TMEM45B: variants seen among roughly 807,000 people sequenced by gnomAD.
The protein encoded by TMEM45B is transmembrane protein 45B.
In TMEM45B, 29 loss-of-function variants were observed where a neutral mutation model predicts 27.3. The ratio of observed to expected loss-of-function variants is 1.06; its 90% CI spans 0.79 to 1.45. TMEM45B has a LOEUF of 1.45. TMEM45B is among the 40% of genes most tolerant of loss of function. The pLI, the probability that TMEM45B is intolerant of heterozygous loss-of-function variation, is 0.00. For missense variants in TMEM45B, 348 were observed against 343.9 expected (o/e 1.01, Z -0.09); for synonymous variants, 143 against 134.7 (o/e 1.06, Z -0.43).
At chr11:129,847,167 C>T (rs1306009069) in intron 1 of TMEM45B, among the ~76,000 whole-genome samples, 1 of 152,132 alleles carries the variant, frequency 6.6e-6, no homozygotes, top group Non-Finnish European at 1.5e-5. Flanking sequence ...AACAAATGAC[C>T]ACATGCACAA....
At chr11:129,845,323 TAG>T (rs1947745519) in intron 1 of TMEM45B, among the ~76,000 whole-genome samples, 1 of 129,000 alleles carries the variant, frequency 7.8e-6, no homozygotes, top group South Asian at 2.4e-4. Flanking sequence ...GGGTAGGAAA[TAG>T]AGCTATTATA....
At chr11:129,832,541 G>C (rs182463870) in intron 1 of TMEM45B, among the ~76,000 whole-genome samples, 3 of 152,034 alleles carry the variant, frequency 2.0e-5, no homozygotes, top group African/African-American at 7.2e-5. Context: ...CCAGGGGTTG[G>C]GGGGCTGGCG....
At chr11:129,850,049 T>C (rs1947823610) in intron 1 of TMEM45B, among the ~76,000 whole-genome samples, 1 of 152,170 alleles carries the variant, frequency 6.6e-6, no homozygotes, top group Non-Finnish European at 1.5e-5. Context: ...CACACACGTT[T>C]TTCTCTTTTT....
rs566845531 is a variant in TMEM45B, at chr11:129,858,302, T to TC, written c.717-271dup. 9.9e-5 allele frequency among the ~76,000 whole-genome samples: 15 copies of TC among 152,264 alleles called. No homozygotes were observed. The South Asian group carries it at 2.9e-3, about 29-fold the overall frequency. On this transcript the variant is annotated intron_variant, in intron 5 of 5. Transcript: ENST00000281441. ...CGGACCAAAGAGAAGGGAGCTCAAG[T>TC]CAGTTTCTTTTAGTTCTCCTGCCCA...
intron 1 of TMEM45B, among the ~76,000 whole-genome samples, chr11:129,849,267 A>G (rs190114112): frequency 6.6e-6 from 1 of 152,344 alleles, no homozygotes; most frequent in African/African-American, 2.4e-5. Flanking sequence ...ATTCAAATAC[A>G]ATGGCGTGAC....
intron 1 of TMEM45B, among the ~76,000 whole-genome samples, chr11:129,832,065 C>CAAAAAAAAA (rs57336005): frequency 1.7e-5 from 1 of 58,606 alleles, no homozygotes; most frequent in East Asian, 5.6e-4. Flanking sequence ...GATTCCATCT[C>CAAAAAAAAA]AAAAAAAAAA....
intron 1 of TMEM45B, among the ~76,000 whole-genome samples, chr11:129,847,404 G>GTTATTTTTTTTTTATTTTTTT (rs60997631): frequency 1.4e-4 from 20 of 147,866 alleles, no homozygotes; most frequent in Non-Finnish European, 3.0e-4. Flanking sequence ...AGCTTATGAA[G>GTTATTTTTTTTTTATTTTTTT]TTATTTTTTT....
At chr11:129,848,499 C>A (rs572746516) in intron 1 of TMEM45B, among the ~76,000 whole-genome samples, 1 of 148,712 alleles carries the variant, frequency 6.7e-6, no homozygotes, top group Non-Finnish European at 1.5e-5. Flanking sequence ...AAAGGGAGAC[C>A]GTGGAAAGAG....
At chr11:129,845,273 G>A (rs767574215) in intron 1 of TMEM45B, among the ~76,000 whole-genome samples, 14 of 15,892 alleles carry the variant, frequency 8.8e-4, no homozygotes, top group Non-Finnish European at 2.7e-3. Flanking sequence ...GTGTGTGTAT[G>A]TGTGTGTGTG....
intron 1 of TMEM45B, chr11:129,826,916 C>T (rs1405821082): frequency 2.6e-5 from 4 of 152,094 alleles, no homozygotes; most frequent in African/African-American, 4.8e-5. Context: ...ACCGTGGTCT[C>T]GATTTCCTGA....
chr11:129,831,520 A>G (rs1947546355), intron 1 of TMEM45B, among the ~76,000 whole-genome samples: 1 of 152,168 alleles, frequency 6.6e-6, no homozygotes, highest in African/African-American at 2.4e-5. Flanking sequence ...AAATTTCTAA[A>G]TTATTTGTTT....
rs116296458 is a variant in TMEM45B at position 129,851,838 on chromosome 11, A to G, written c.-8-637A>G. Among the ~76,000 whole-genome samples the G allele has an allele frequency of 5.0e-3, 763 of 152,342 alleles. 4 individuals are homozygous for G. Among genetic ancestry groups the G allele is most frequent in the African/African-American group, 0.017 (722 of 41,584 alleles). ...CTGATTTTTACAAACTGTGAATCAT[A>G]TTGACCAGGTTCATTTGTACTAGAC... On this transcript the variant is annotated intron_variant, in intron 1 of 5. Transcript: ENST00000281441.
intron 1 of TMEM45B, among the ~76,000 whole-genome samples, chr11:129,825,331 G>A (rs1343194013): frequency 6.6e-6 from 1 of 152,254 alleles, no homozygotes; most frequent in East Asian, 1.9e-4. Context: ...CAAGATTCTG[G>A]CTTTCTGGGT....
chr11:129,845,646 A>T (rs1947751748), intron 1 of TMEM45B, among the ~76,000 whole-genome samples: 2 of 152,232 alleles, frequency 1.3e-5, no homozygotes, highest in African/African-American at 4.8e-5. Context: ...GAAAACAAAT[A>T]GCAAAATGAC....
intron 1 of TMEM45B, among the ~76,000 whole-genome samples, chr11:129,851,535 C>T (rs1346421406): frequency 6.5e-5 from 2 of 30,656 alleles, no homozygotes; most frequent in Non-Finnish European, 1.2e-4. Flanking sequence ...CAGAGTGAAA[C>T]TCTGCCTCAA....
rs1159669879 is a variant in TMEM45B, at chr11:129,837,777, C to CTTT, written c.-8-14678_-8-14676dup. The stretch of plus-strand genomic sequence containing the variant: ...TTCACCATGTTACCCAGGCTAGTTT[C>CTTT]TTTTTTTTTTTTTTTTTTTTTTGAG... On this transcript the variant is annotated intron_variant, in intron 1 of 5. Transcript: ENST00000281441. Among the ~76,000 whole-genome samples the CTTT allele has an allele frequency of 5.4e-3, 373 of 69,002 alleles. 2 individuals carry two copies. Among genetic ancestry groups the CTTT allele is most frequent in the Non-Finnish European group, 7.0e-3 (276 of 39,628 alleles). 45.3% of individuals were successfully genotyped at this position (69,002 alleles called of 152,430 possible).
chr11:129,856,936 T>G (rs1473151948), intron 4 of TMEM45B, among the ~76,000 whole-genome samples: 1 of 149,900 alleles, frequency 6.7e-6, no homozygotes, highest in Non-Finnish European at 1.5e-5. Context: ...CACTGCAACC[T>G]CCGCCTCCCA....
At chr11:129,856,306 G>C (rs923411436) in intron 4 of TMEM45B, among the ~76,000 whole-genome samples, 8 of 152,064 alleles carry the variant, frequency 5.3e-5, no homozygotes, top group Non-Finnish European at 1.2e-4. Context: ...CCATCTCCCA[G>C]GTTCAAGCGA....
intron 1 of TMEM45B, among the ~76,000 whole-genome samples, chr11:129,832,089 A>T (rs931883455): frequency 9.4e-6 from 1 of 106,528 alleles, no homozygotes; most frequent in Non-Finnish European, 1.9e-5. Context: ...AAAAAAAAGG[A>T]TCCGGACACA....
Sources: gnomAD v4.1 joint callset for allele counts (sites outside exome capture counted in the v4.1 genomes callset) on GRCh38, gnomAD v4.1.1 for gene constraint, MANE v1.5 for transcripts, NCBI Gene and HGNC (gene_info 2026-07-23, HGNC 2026-07-21) for gene names.